SUPT3H: variants seen among roughly 807,000 people sequenced by gnomAD.
SUPT3H encodes SPT3 homolog, SAGA and STAGA complex component, also known as transcription initiation protein SPT3 homolog.
SUPT3H carries 44 observed loss-of-function variants against 44.3 expected under a neutral mutation model. The ratio of observed to expected loss-of-function variants is 0.99; its 90% CI spans 0.78 to 1.28. The LOEUF (loss-of-function observed/expected upper bound fraction) is 1.28. Ranked by LOEUF, SUPT3H falls within the 50% of genes most tolerant of loss-of-function variation. The pLI, the probability that SUPT3H is intolerant of heterozygous loss-of-function variation, is 0.00. For missense variants in SUPT3H, 380 were observed against 387.1 expected (o/e 0.98, Z 0.15); for synonymous variants, 124 against 125.6 (o/e 0.99, Z 0.09).
At chr6:44,935,371 CTT>C (rs1390747352) in intron 9 of SUPT3H, among the ~76,000 whole-genome samples, 1 of 152,166 alleles carries the variant, frequency 6.6e-6, no homozygotes, top group African/African-American at 2.4e-5. Flanking sequence ...TATTAATAAT[CTT>C]ATATCAGCTA....
intron 10 of SUPT3H, among the ~76,000 whole-genome samples, chr6:44,901,294 C>T (rs1359657088): frequency 4.6e-5 from 7 of 152,028 alleles, no homozygotes; most frequent in Non-Finnish European, 8.8e-5. Flanking sequence ...AGACGAATGG[C>T]TAACTAGAAT....
In SUPT3H at chr6:44,954,499, G is replaced by A; in HGVS notation, c.689C>T (p.Ala230Val). ...ILAYLAYETV[A>V]QLVDLALLVR... ...ATGACAGATTAGAATTCTTACCTGT[G>A]CCACAGTTTCATACGCTAAATATGC... Residue 230 changes from alanine to valine, a missense_variant, in exon 8 of 11, where the codon GCA becomes GTA. Coordinates refer to ENST00000371459, the MANE Select transcript of SUPT3H (RefSeq NM_003599.4). The A allele has an allele frequency of 6.2e-7, 1 of 1,611,576 alleles. No individual in the cohort carries two copies. The highest frequency in any genetic ancestry group is 8.5e-7 in the Non-Finnish European group (1 of 1,177,702).
chr6:45,367,527 C>T (rs892045996), intron 1 of SUPT3H, among the ~76,000 whole-genome samples: 9 of 151,968 alleles, frequency 5.9e-5, no homozygotes, highest in African/African-American at 2.2e-4. Flanking sequence ...AATAGTCCTG[C>T]AGAATTGGGA....
At chr6:45,361,198 A>T (rs1033922203) in intron 2 of SUPT3H, among the ~76,000 whole-genome samples, 6 of 152,138 alleles carry the variant, frequency 3.9e-5, no homozygotes, top group Non-Finnish European at 5.9e-5. Context: ...TCTGATTAAA[A>T]TTTTTTTAAT....
chr6:45,265,616 T>C (rs1005364572), intron 2 of SUPT3H, among the ~76,000 whole-genome samples: 1 of 152,052 alleles, frequency 6.6e-6, no homozygotes, highest in Non-Finnish European at 1.5e-5. Context: ...TTTTGAAAAA[T>C]CCTTAAATAT....
chr6:45,068,706 C>A (rs1272728605), intron 3 of SUPT3H, among the ~76,000 whole-genome samples: 2 of 152,152 alleles, frequency 1.3e-5, no homozygotes, highest in African/African-American at 4.8e-5. Flanking sequence ...TTGTTACTGT[C>A]ACTGTGTAGA....
rs536200222 is a variant in SUPT3H at position 45,033,575 on chromosome 6, A to G, written c.187-12943T>C. ...ATATTGTACAGATATTATGACTATC[A>G]CTATGAAAAGTTTATTCTAAAATAA... On this transcript the variant is annotated intron_variant, in intron 3 of 10. Transcript: ENST00000371459. Among the ~76,000 whole-genome samples, 13 of 152,306 alleles carry G rather than the reference A, an allele frequency of 8.5e-5. No homozygotes were observed. In the South Asian group the frequency reaches 2.7e-3, roughly 32 times the overall value.
intron 2 of SUPT3H, among the ~76,000 whole-genome samples, chr6:45,151,301 CTA>C (rs1334595130): frequency 6.6e-6 from 1 of 152,062 alleles, no homozygotes; most frequent in Non-Finnish European, 1.5e-5. Flanking sequence ...TGGGAAAAAA[CTA>C]TTCTAATTGG....
At chr6:44,894,110 T>C (rs1371118812) in intron 10 of SUPT3H, among the ~76,000 whole-genome samples, 3 of 135,976 alleles carry the variant, frequency 2.2e-5, no homozygotes, top group Non-Finnish European at 4.8e-5. Flanking sequence ...TCATTGTAGA[T>C]TCTGGATATT....
chr6:45,260,294 C>G (rs1353356847), intron 2 of SUPT3H, among the ~76,000 whole-genome samples: 3 of 152,120 alleles, frequency 2.0e-5, no homozygotes, highest in African/African-American at 7.2e-5. Flanking sequence ...ATGGAAACTT[C>G]CAAATTGACA....
intron 2 of SUPT3H, among the ~76,000 whole-genome samples, chr6:45,108,014 G>GT (rs1195336651): frequency 2.0e-5 from 3 of 152,120 alleles, no homozygotes; most frequent in Non-Finnish European, 4.4e-5. Context: ...ATGGAGAAAA[G>GT]TTATCAATCT....
chr6:44,952,455 T>C (rs1024360468), intron 9 of SUPT3H, among the ~76,000 whole-genome samples: 2 of 152,182 alleles, frequency 1.3e-5, no homozygotes, highest in South Asian at 2.1e-4. Context: ...GGAGTAGAAA[T>C]GTGTAATCAA....
At chr6:45,290,687 A>G (rs556201100) in intron 2 of SUPT3H, among the ~76,000 whole-genome samples, 1 of 152,326 alleles carries the variant, frequency 6.6e-6, no homozygotes, top group South Asian at 2.1e-4. Context: ...GCAGAGTTAG[A>G]CCAGGTATCA....
At chr6:45,035,403 T>C (rs939231221) in intron 3 of SUPT3H, among the ~76,000 whole-genome samples, 4 of 152,086 alleles carry the variant, frequency 2.6e-5, no homozygotes, top group Non-Finnish European at 2.9e-5. Context: ...TCTCAAGAAA[T>C]ATTCATTTGT....
intron 1 of SUPT3H, among the ~76,000 whole-genome samples, chr6:45,375,976 G>A (rs1003554506): frequency 2.0e-5 from 3 of 152,012 alleles, no homozygotes; most frequent in African/African-American, 4.8e-5. Context: ...TTTTCAAATC[G>A]CTTTATTACA....
intron 2 of SUPT3H, among the ~76,000 whole-genome samples, chr6:45,317,079 T>C (rs538391211): frequency 4.0e-5 from 6 of 151,364 alleles, no homozygotes; most frequent in Admixed American, 6.6e-5. Context: ...ATACAAAAAT[T>C]AGCCAGGCAT....
chr6:44,884,509 A>T (rs965153276), intron 10 of SUPT3H, among the ~76,000 whole-genome samples: 20 of 152,178 alleles, frequency 1.3e-4, no homozygotes, highest in African/African-American at 4.6e-4. Context: ...AGGATTATAA[A>T]TCATTCCATT....
chr6:45,169,672 A>G (rs1271863967), intron 2 of SUPT3H, among the ~76,000 whole-genome samples: 4 of 152,306 alleles, frequency 2.6e-5, no homozygotes, highest in African/African-American at 7.2e-5. Flanking sequence ...TTTGTGGAAA[A>G]GCTCTTCAGA....
At chr6:45,097,050 T>C (rs1797887692) in intron 3 of SUPT3H, among the ~76,000 whole-genome samples, 1 of 152,168 alleles carries the variant, frequency 6.6e-6, no homozygotes, top group Admixed American at 6.5e-5. Flanking sequence ...GTGGAACTTG[T>C]TATCCTATAC....
Sources: gnomAD v4.1 joint callset for allele counts (sites outside exome capture counted in the v4.1 genomes callset) on GRCh38, gnomAD v4.1.1 for gene constraint, MANE v1.5 for transcripts, NCBI Gene and HGNC (gene_info 2026-07-23, HGNC 2026-07-21) for gene names.